The following CYP4F22 variants were observed in gnomAD, a reference collection of about 807,000 sequenced individuals.
The protein encoded by CYP4F22 is cytochrome P450 family 4 subfamily F member 22.
Under a neutral mutation model 60.4 loss-of-function variants are expected in CYP4F22, and 37 were observed. That is an observed-to-expected ratio of 0.61 (90% CI 0.47 to 0.81). The LOEUF (loss-of-function observed/expected upper bound fraction) is 0.81, where lower values mean the gene tolerates loss of function less well. Among genes scored for constraint, CYP4F22 ranks in the 30% least tolerant of loss-of-function variants. CYP4F22 has a pLI of 0.00. For synonymous variants in CYP4F22, 258 were observed against 280.5 expected (o/e 0.92, Z 0.80); for missense variants, 655 against 715.0 (o/e 0.92, Z 0.96).
Position 15,551,466 on chromosome 19 carries a change from G to C in CYP4F22, c.1591G>C (p.Ala531Pro), listed in dbSNP as rs1028358496. The part of the protein sequence containing the change: ...WLKVEPLPPR[A>P] ...CAAGGTGGAGCCGCTGCCTCCGCGG[G>C]CCTGAGCGTGGGCGCGCCCCTGCGG... The change falls in exon 14 of 14, where the codon GCC (alanine) becomes CCC (proline). Residue 531 changes from alanine (A) to proline (P), a missense_variant. Ala to Pro is a conservative substitution (Grantham distance 27). Transcript: ENST00000269703. 1.9e-6 allele frequency: 3 copies of C among 1,558,076 alleles called. No homozygotes were observed. In the African/African-American group the frequency reaches 4.1e-5, roughly 21 times the overall value.
At chr19:15,532,738 A>C (rs2144522192) in intron 4 of CYP4F22, among the ~76,000 whole-genome samples, 2 of 152,048 alleles carry the variant, frequency 1.3e-5, no homozygotes, top group Non-Finnish European at 2.9e-5. Context: ...CAGTTTCCTG[A>C]GCACCATCCT....
intron 1 of CYP4F22, chr19:15,516,655 A>G (rs1971158307): frequency 2.3e-6 from 1 of 433,370 alleles, no homozygotes; most frequent in Non-Finnish European, 4.4e-6. Context: ...TACTTATAAC[A>G]CTATGGCTGA....
chr19:15,532,547 G>T (rs1248156052), intron 4 of CYP4F22, among the ~76,000 whole-genome samples: 2 of 150,056 alleles, frequency 1.3e-5, no homozygotes, highest in Non-Finnish European at 3.0e-5. Flanking sequence ...GCTAATTTTT[G>T]TATTTTTTTT....
At chr19:15,540,315 AT>A in intron 7 of CYP4F22, 134 bp from the exon 8 acceptor site, 3 of 1,080,054 alleles carry the variant, frequency 2.8e-6, no homozygotes, top group Non-Finnish European at 4.1e-6. Context: ...AAATAAATGA[AT>A]TTAAAAATAG....
intron 2 of CYP4F22, 104 bp from the exon 3 acceptor site, chr19:15,525,232 C>A: frequency 9.0e-7 from 1 of 1,111,530 alleles, no homozygotes; most frequent in Non-Finnish European, 1.3e-6. Context: ...GTGTCTGGAA[C>A]TCACGTGTGC....
chr19:15,523,496 C>A (rs1482785431), intron 1 of CYP4F22, among the ~76,000 whole-genome samples, 197 bp from the exon 2 acceptor site: 2 of 152,182 alleles, frequency 1.3e-5, no homozygotes, highest in Non-Finnish European at 2.9e-5. Flanking sequence ...TTCCACTAGA[C>A]CCCATCTCCA....
At chr19:15,547,018 GTT>G (rs71176432) in intron 10 of CYP4F22, among the ~76,000 whole-genome samples, 18 of 82,306 alleles carry the variant, frequency 2.2e-4, no homozygotes, top group South Asian at 5.3e-4. Context: ...GCCTGCACCA[GTT>G]TTTTTTTTTT....
At chr19:15,542,636 A>G (rs1417199044) in intron 8 of CYP4F22, among the ~76,000 whole-genome samples, 1 of 152,138 alleles carries the variant, frequency 6.6e-6, no homozygotes, top group Non-Finnish European at 1.5e-5. Flanking sequence ...GGTTTACTGC[A>G]CCTATCAACT....
At position 15,551,530 on chromosome 19, in the gene CYP4F22, C is replaced by A; in HGVS notation, c.*59C>A. ...AGGCCCCGCCCCCAAAGGACCAGGACTCGCCCCAAAGATCCCGAGGGCATA... is the reference window on the plus strand; with the variant it reads ...AGGCCCCGCCCCCAAAGGACCAGGAATCGCCCCAAAGATCCCGAGGGCATA... On this transcript the variant is annotated 3_prime_UTR_variant, in exon 14 of 14. Coordinates refer to ENST00000269703, the MANE Select transcript of CYP4F22 (RefSeq NM_173483.4). The A allele has an allele frequency of 6.6e-7, 1 of 1,526,620 alleles. No homozygotes were observed. The highest frequency in any genetic ancestry group is 8.8e-7 in the Non-Finnish European group (1 of 1,136,180). The allele number at this position is 1,526,620 out of a possible 1,614,324, so 94.6% of individuals were successfully genotyped here. A position where few individuals can be genotyped will look rare whatever the true frequency, so the allele number is the denominator to read the frequency against.
intron 1 of CYP4F22, among the ~76,000 whole-genome samples, chr19:15,513,524 C>A (rs1474878775): frequency 6.6e-6 from 1 of 151,902 alleles, no homozygotes; most frequent in Non-Finnish European, 1.5e-5. Context: ...GCCACCTCGC[C>A]CGGCTAATTT....
intron 4 of CYP4F22, among the ~76,000 whole-genome samples, chr19:15,533,103 T>C (rs913906341): frequency 1.3e-5 from 2 of 152,232 alleles, no homozygotes; most frequent in African/African-American, 4.8e-5. Context: ...GCCCAGCTCC[T>C]GTTGGAGCTT....
chr19:15,522,312 C>T (rs1971235586), intron 1 of CYP4F22, among the ~76,000 whole-genome samples: 5 of 152,120 alleles, frequency 3.3e-5, no homozygotes, highest in Admixed American at 3.3e-4. Context: ...ATATCCATCC[C>T]AATTGGGATC....
intron 1 of CYP4F22, among the ~76,000 whole-genome samples, chr19:15,509,896 C>CTTTCTTTCTTT (rs1568350779): frequency 2.1e-5 from 2 of 93,962 alleles, no homozygotes; most frequent in Admixed American, 1.2e-4. Flanking sequence ...TTCCTTCCTT[C>CTTTCTTTCTTT]CTTCCTTCCT....
At chr19:15,514,836 G>C (rs1971135253) in intron 1 of CYP4F22, among the ~76,000 whole-genome samples, 1 of 152,206 alleles carries the variant, frequency 6.6e-6, no homozygotes, top group Non-Finnish European at 1.5e-5. Context: ...TGCAGGAAGT[G>C]GTGGGGCCGT....
Position 15,551,379 on chromosome 19 carries a change from C to T in CYP4F22, c.1504C>T (p.Arg502Ter), listed in dbSNP as rs866438089. Residue 502 changes from arginine to a stop codon, truncating the protein, a stop_gained, in exon 14 of 14, where the codon CGA becomes TGA. Coordinates refer to ENST00000269703, the MANE Select transcript of CYP4F22 (RefSeq NM_173483.4). LOFTEE classifies it high-confidence loss of function. ...TLLRFRLSVDRTRKVRRKPEL... is the reference protein window; with the variant it reads ...TLLRFRLSVD ...GCTACGTTTCCGCCTGAGCGTGGAC[C>T]GAACGCGCAAGGTGCGGCGGAAGCC... The T allele has an allele frequency of 2.5e-6, 4 of 1,611,602 alleles. No homozygotes were observed. Among genetic ancestry groups the T allele is most frequent in the Non-Finnish European group, 2.5e-6 (3 of 1,178,898 alleles).
At chr19:15,540,853 G>GC in intron 8 of CYP4F22, 136 bp downstream of exon 8, 2 of 1,123,098 alleles carry the variant, frequency 1.8e-6, no homozygotes, top group Non-Finnish European at 2.6e-6. Flanking sequence ...GGGAGGCCAA[G>GC]GCGGGAGGAT....
chr19:15,551,533 G>A lies in CYP4F22; in HGVS notation c.*62G>A, dbSNP rs1971597265. The A allele has an allele frequency of 3.3e-6, 5 of 1,523,262 alleles. No homozygotes were observed. The highest frequency in any genetic ancestry group is 4.0e-5 in the Admixed American group (2 of 49,976). 94.4% of individuals were successfully genotyped at this position (1,523,262 alleles called of 1,614,324 possible). On this transcript the variant is annotated 3_prime_UTR_variant, in exon 14 of 14. Transcript: ENST00000269703. ...CCCCGCCCCCAAAGGACCAGGACTC[G>A]CCCCAAAGATCCCGAGGGCATAGGC...
chr19:15,542,357 C>T (rs1275293528), intron 8 of CYP4F22, among the ~76,000 whole-genome samples: 1 of 148,142 alleles, frequency 6.8e-6, no homozygotes, highest in Admixed American at 7.0e-5. Flanking sequence ...CATATTGAAA[C>T]ACCGTCTCTA....
intron 1 of CYP4F22, among the ~76,000 whole-genome samples, chr19:15,516,483 G>T (rs1347990926): frequency 6.6e-6 from 1 of 152,202 alleles, no homozygotes; most frequent in African/African-American, 2.4e-5. Flanking sequence ...GATAAAAATT[G>T]CTTCCCTCCT....
Sources: gnomAD v4.1 joint callset for allele counts (sites outside exome capture counted in the v4.1 genomes callset) on GRCh38, gnomAD v4.1.1 for gene constraint, MANE v1.5 for transcripts, NCBI Gene and HGNC (gene_info 2026-07-23, HGNC 2026-07-21) for gene names.